CLPTM1L: variants seen among roughly 807,000 people sequenced by gnomAD.
The protein encoded by CLPTM1L is lipid scramblase CLPTM1L.
In CLPTM1L, 38 loss-of-function variants were observed where a neutral mutation model predicts 70.9. That is an observed-to-expected ratio of 0.54 (90% CI 0.41 to 0.70). The LOEUF (loss-of-function observed/expected upper bound fraction) is 0.70, where lower values mean the gene tolerates loss of function less well. Ranked by LOEUF, CLPTM1L falls within the 30% of genes least tolerant of loss-of-function variation. CLPTM1L has a pLI of 0.00. For synonymous variants in CLPTM1L, 339 were observed against 299.9 expected (o/e 1.13, Z -1.35); for missense variants, 652 against 705.9 (o/e 0.92, Z 0.87).
At chr5:1,322,166 G>A (rs931304365) in intron 13 of CLPTM1L, among the ~76,000 whole-genome samples, 7 of 152,228 alleles carry the variant, frequency 4.6e-5, no homozygotes, top group African/African-American at 1.7e-4. Context: ...GGGGTCAGGT[G>A]TGGGACTCCT....
chr5:1,340,008 C>T (rs465027), intron 3 of CLPTM1L, among the ~76,000 whole-genome samples: 2 of 152,212 alleles, frequency 1.3e-5, no homozygotes, highest in Admixed American at 6.5e-5. Flanking sequence ...ACAGGCACAA[C>T]CGGGGGAGAG....
intron 5 of CLPTM1L, among the ~76,000 whole-genome samples, chr5:1,336,952 C>G (rs531792045): frequency 6.5e-4 from 99 of 152,282 alleles, no homozygotes; most frequent in Admixed American, 1.5e-3. Context: ...TGCACCCCCC[C>G]GCTAGCAAGC....
intron 2 of CLPTM1L, among the ~76,000 whole-genome samples, chr5:1,343,123 G>A (rs1223924597): frequency 2.0e-5 from 3 of 152,094 alleles, no homozygotes; most frequent in East Asian, 1.9e-4. Flanking sequence ...CCCGGGAACC[G>A]GAGGTTGCAG....
intron 8 of CLPTM1L, chr5:1,330,725 T>C (rs452384): frequency 0.44 from 120,175 of 272,824 alleles, 27,842 homozygotes; most frequent in African/African-American, 0.59. Flanking sequence ...CTGTGATAAG[T>C]GCGTGGCTTT....
intron 10 of CLPTM1L, 114 bp downstream of exon 10, chr5:1,325,637 C>A (rs1752479253): frequency 1.2e-6 from 1 of 834,982 alleles, no homozygotes; most frequent in South Asian, 1.5e-5. Flanking sequence ...GGAGGCTCCC[C>A]TGACAGAGGC....
intron 8 of CLPTM1L, chr5:1,330,602 C>A (rs1392176486): frequency 5.5e-6 from 3 of 542,640 alleles, no homozygotes; most frequent in Admixed American, 3.2e-5. Context: ...TGGCCCCACA[C>A]CAGCTCCACA....
intron 2 of CLPTM1L, among the ~76,000 whole-genome samples, chr5:1,343,258 A>C (rs913000694): frequency 1.1e-4 from 17 of 151,766 alleles, no homozygotes; most frequent in Admixed American, 4.6e-4. Flanking sequence ...GCTCCTCACT[A>C]CCCAGGAAAG....
chr5:1,333,904 C>T (rs908990086), intron 7 of CLPTM1L, among the ~76,000 whole-genome samples: 1 of 152,082 alleles, frequency 6.6e-6, no homozygotes, highest in Non-Finnish European at 1.5e-5. Flanking sequence ...AGAGGCTGCC[C>T]AGCTCCGCCC....
At chr5:1,322,985 T>C in intron 12 of CLPTM1L, 74 bp from the exon 13 acceptor site, 1 of 1,419,804 alleles carries the variant, frequency 7.0e-7, no homozygotes, top group African/African-American at 1.4e-5. Flanking sequence ...TGAAAAATAA[T>C]TCTTTCATTA....
chr5:1,338,103 C>T, intron 4 of CLPTM1L, 121 bp from the exon 5 acceptor site: 1 of 781,846 alleles, frequency 1.3e-6, no homozygotes, highest in South Asian at 1.5e-5. Context: ...TCAACTGCTT[C>T]TCAGTCACAA....
chr5:1,334,303 C>G lies in CLPTM1L; in HGVS notation c.877G>C (p.Val293Leu). 13 of 1,613,618 alleles carry G rather than the reference C, an allele frequency of 8.1e-6. No individual in the cohort carries two copies. Among genetic ancestry groups the G allele is most frequent in the Non-Finnish European group, 1.1e-5 (13 of 1,179,700 alleles). Residue 293 changes from valine to leucine, a missense_variant, in exon 7 of 17, where the codon GTC becomes CTC. By Grantham distance (32) the Val-to-Leu change is conservative. Transcript: ENST00000320895. ...NLYFLALTFF[V>L]AAFHLLFDFL... ...GGATGACTCACATGGAACGCTGCGA[C>G]AAAGAAGGTCAGCGCCAGGAAGTAT... is the stretch of plus-strand genomic sequence containing the variant.
chr5:1,332,657 G>A (rs1307010740), intron 7 of CLPTM1L, among the ~76,000 whole-genome samples: 2 of 152,182 alleles, frequency 1.3e-5, no homozygotes, highest in African/African-American at 2.4e-5. Context: ...CCATGGTTTC[G>A]GTTAGCACGG....
At chr5:1,333,998 G>C (rs1753379615) in intron 7 of CLPTM1L, among the ~76,000 whole-genome samples, 1 of 152,130 alleles carries the variant, frequency 6.6e-6, no homozygotes, top group Non-Finnish European at 1.5e-5. Flanking sequence ...ACACTGCTCA[G>C]AGTACCCTGG....
chr5:1,332,913 A>G (rs1444667858), intron 7 of CLPTM1L, among the ~76,000 whole-genome samples: 2 of 152,004 alleles, frequency 1.3e-5, no homozygotes, highest in Non-Finnish European at 2.9e-5. Flanking sequence ...ACTACTGTAT[A>G]ACACCAGATG....
chr5:1,320,674 G>A lies in CLPTM1L; in HGVS notation c.1474C>T (p.His492Tyr). The A allele has an allele frequency of 6.5e-7, 1 of 1,548,544 alleles. No homozygotes were observed. Among genetic ancestry groups the A allele is most frequent in the South Asian group, 1.2e-5 (1 of 83,826 alleles). Residue 492 changes from histidine (H) to tyrosine (Y), a missense_variant, in exon 16 of 17, where the codon CAC (histidine) becomes TAC (tyrosine). His to Tyr is a moderately conservative substitution (Grantham distance 83, BLOSUM62 2). Around this residue, in one of 3 missense-constraint regions of CLPTM1L, gnomAD observed 240 missense variants for 295.0 expected, o/e 0.81. Coordinates refer to ENST00000320895, the MANE Select transcript of CLPTM1L (RefSeq NM_030782.5). The stretch of plus-strand genomic sequence containing the variant: ...TCGTCCCGGAAGCAGGCCAGCCGGT[G>A]AGACGTGGGCATGGTGATGATGAAG... ...FAFIITMPTS[H>Y]RLACFRDDVV...
At chr5:1,334,195 GC>G in intron 7 of CLPTM1L, 93 bp downstream of exon 7, 1 of 836,060 alleles carries the variant, frequency 1.2e-6, no homozygotes, top group Non-Finnish European at 2.0e-6. Flanking sequence ...GCTGGACGGC[GC>G]CCACAAACCC....
At position 1,317,982 on chromosome 5, in the gene CLPTM1L, TCCATACG is replaced by T. The variant is rs1751928825; in HGVS notation, c.*380_*386del. 4.9e-6 allele frequency: 1 copy of T among 204,612 alleles called. No homozygotes were observed. The highest frequency in any genetic ancestry group is 9.7e-6 in the Non-Finnish European group (1 of 103,200). The allele number at this position is 204,612 out of a possible 1,614,324, so 12.7% of individuals were successfully genotyped here. ...ATCCCAGAGTCCATGCGGAATGAAT[TCCATACG>T]TGTTTGAAATTCACATAAGGAGCAC... is the stretch of plus-strand genomic sequence containing the variant. On this transcript the variant is annotated 3_prime_UTR_variant, in exon 17 of 17. Transcript: ENST00000320895.
chr5:1,322,784 G>C lies in CLPTM1L; in HGVS notation c.1315+93C>G, dbSNP rs139998754. On this transcript the variant is annotated intron_variant, in intron 13 of 16. Coordinates refer to ENST00000320895, the MANE Select transcript of CLPTM1L (RefSeq NM_030782.5). ...GGGAGGGATTAGCCTCAAATCACAG[G>C]GGGGCTTGCCACACTGGGTTTCAAT... The C allele has an allele frequency of 1.3e-3, 1,762 of 1,317,426 alleles. 11 individuals are homozygous for C. In the Middle Eastern group the frequency reaches 0.022, roughly 17 times the overall value. The allele number at this position is 1,317,426 out of a possible 1,614,324, so 81.6% of individuals were successfully genotyped here.
chr5:1,328,569 T>C (rs1355040848), intron 9 of CLPTM1L, among the ~76,000 whole-genome samples: 1 of 150,800 alleles, frequency 6.6e-6, no homozygotes, highest in Non-Finnish European at 1.5e-5. Flanking sequence ...ACACATTTCA[T>C]CCAGCTCCTC....
Sources: allele counts gnomAD v4.1 joint callset (sites outside exome capture counted in the v4.1 genomes callset), GRCh38; gene constraint gnomAD v4.1.1; regional missense constraint gnomAD v4.1.1; transcripts MANE v1.5; gene names NCBI Gene and HGNC (gene_info 2026-07-23, HGNC 2026-07-21).